The following GHR variants were observed in gnomAD, a reference collection of about 807,000 sequenced individuals.
The protein encoded by GHR is GH receptor.
Under a neutral mutation model 67.1 loss-of-function variants are expected in GHR, and 35 were observed. The observed-to-expected ratio is 0.52, with a 90% CI of 0.40 to 0.69. The LOEUF (loss-of-function observed/expected upper bound fraction) is 0.69. GHR is among the 30% of genes least tolerant of loss of function. The pLI, the probability that GHR is intolerant of heterozygous loss-of-function variation, is 0.00. For synonymous variants in GHR, 272 were observed against 269.1 expected (o/e 1.01, Z -0.10); for missense variants, 792 against 764.6 (o/e 1.04, Z -0.42).
chr5:42,710,795 A>G (rs1758416529), intron 6 of GHR, among the ~76,000 whole-genome samples: 1 of 152,166 alleles, frequency 6.6e-6, no homozygotes, highest in Non-Finnish European at 1.5e-5. Flanking sequence ...TATGGCTACA[A>G]TTTATTTTGG....
intron 1 of GHR, among the ~76,000 whole-genome samples, chr5:42,435,889 A>T (rs1192410567): frequency 6.6e-6 from 1 of 152,234 alleles, no homozygotes; most frequent in Non-Finnish European, 1.5e-5. Flanking sequence ...GTTGAATCCA[A>T]CATCATGCTG....
At chr5:42,465,301 C>A (rs2940926) in intron 1 of GHR, 109,723 of 665,570 alleles carry the variant, frequency 0.16, 10,168 homozygotes, top group Middle Eastern at 0.26. Flanking sequence ...TCTTGAAGAA[C>A]AGATTTTTTT....
At chr5:42,635,197 G>A (rs1299223695) in intron 3 of GHR, among the ~76,000 whole-genome samples, 1 of 152,122 alleles carries the variant, frequency 6.6e-6, no homozygotes, top group African/African-American at 2.4e-5. Flanking sequence ...GCTCTCTCTT[G>A]TACCCAACCT....
chr5:42,679,196 A>G (rs1228782135), intron 3 of GHR, among the ~76,000 whole-genome samples: 2 of 145,438 alleles, frequency 1.4e-5, no homozygotes, highest in Non-Finnish European at 3.0e-5. Flanking sequence ...ATTATATATT[A>G]ATAACATACT....
At chr5:42,574,942 C>A (rs982506946) in intron 2 of GHR, among the ~76,000 whole-genome samples, 2 of 152,062 alleles carry the variant, frequency 1.3e-5, no homozygotes, top group African/African-American at 4.8e-5. Flanking sequence ...CACCACTGAG[C>A]CCAAGGTAGC....
At chr5:42,614,017 G>A (rs1245422367) in intron 2 of GHR, among the ~76,000 whole-genome samples, 2 of 152,128 alleles carry the variant, frequency 1.3e-5, no homozygotes, top group African/African-American at 4.8e-5. Flanking sequence ...TAAGCGGTCT[G>A]TAAACTGTGT....
intron 3 of GHR, among the ~76,000 whole-genome samples, chr5:42,680,975 G>A (rs575376302): frequency 6.6e-6 from 1 of 152,202 alleles, no homozygotes; most frequent in Non-Finnish European, 1.5e-5. Context: ...ATGGATTAAA[G>A]ACTTAAATGT....
chr5:42,698,114 C>T (rs1757765738), intron 5 of GHR, among the ~76,000 whole-genome samples: 3 of 152,064 alleles, frequency 2.0e-5, no homozygotes, highest in Admixed American at 2.0e-4. Context: ...AGAGGAAGAG[C>T]AAGGGTTTGT....
At chr5:42,570,545 A>G (rs567384304) in intron 2 of GHR, among the ~76,000 whole-genome samples, 1 of 152,292 alleles carries the variant, frequency 6.6e-6, no homozygotes, top group South Asian at 2.1e-4. Context: ...TTTTGCATGC[A>G]TGCATTTATT....
chr5:42,480,625 C>T (rs1745583171), intron 1 of GHR, among the ~76,000 whole-genome samples: 1 of 152,082 alleles, frequency 6.6e-6, no homozygotes, highest in Admixed American at 6.6e-5. Flanking sequence ...TGAATTGATC[C>T]CTTTACCATT....
At chr5:42,497,815 T>C (rs960001631) in intron 1 of GHR, among the ~76,000 whole-genome samples, 7 of 152,146 alleles carry the variant, frequency 4.6e-5, no homozygotes, top group Middle Eastern at 3.2e-3. Context: ...ATGGAAAACA[T>C]TGGAAAAGAG....
intron 1 of GHR, among the ~76,000 whole-genome samples, chr5:42,483,940 G>A (rs1366228933): frequency 1.3e-5 from 2 of 152,120 alleles, no homozygotes; most frequent in African/African-American, 4.8e-5. Flanking sequence ...TTTTTATCTT[G>A]TGCTTAGAAC....
intron 1 of GHR, among the ~76,000 whole-genome samples, chr5:42,496,516 G>C (rs1746325906): frequency 6.6e-6 from 1 of 152,126 alleles, no homozygotes. Flanking sequence ...TGAAAATCCA[G>C]GCACTGTGTT....
chr5:42,527,868 C>T (rs1747777984), intron 1 of GHR, among the ~76,000 whole-genome samples: 1 of 152,070 alleles, frequency 6.6e-6, no homozygotes, highest in South Asian at 2.1e-4. Flanking sequence ...AATCAGAGGG[C>T]CCTTAAGAAT....
intron 2 of GHR, among the ~76,000 whole-genome samples, chr5:42,610,059 G>T (rs932395642): frequency 2.0e-5 from 3 of 152,156 alleles, no homozygotes; most frequent in African/African-American, 7.2e-5. Flanking sequence ...TGATATAGGA[G>T]TTACTCTTCT....
chr5:42,692,374 A>C (rs1284770029), intron 4 of GHR, among the ~76,000 whole-genome samples: 1 of 152,080 alleles, frequency 6.6e-6, no homozygotes, highest in African/African-American at 2.4e-5. Flanking sequence ...AACCTAAAGC[A>C]CTTAACTTTT....
chr5:42,548,631 A>G (rs189183756), intron 1 of GHR: 2 of 271,866 alleles, frequency 7.4e-6, no homozygotes, highest in Admixed American at 1.3e-4. Flanking sequence ...TCTTTAATAT[A>G]TGGCTGTGGC....
chr5:42,541,566 G>GA (rs938517709), intron 1 of GHR, among the ~76,000 whole-genome samples: 155 of 147,182 alleles, frequency 1.1e-3, no homozygotes, highest in East Asian at 2.6e-3. Context: ...CAGTGTCCTG[G>GA]AAAAAAAAAA....
At chr5:42,557,198 C>G (rs1749356277) in intron 1 of GHR, among the ~76,000 whole-genome samples, 2 of 152,146 alleles carry the variant, frequency 1.3e-5, no homozygotes, top group Non-Finnish European at 2.9e-5. Context: ...CACCCAAGCA[C>G]AAATAGGCTG....
Sources: allele counts gnomAD v4.1 joint callset (sites outside exome capture counted in the v4.1 genomes callset), GRCh38; gene constraint gnomAD v4.1.1; transcripts MANE v1.5; gene names NCBI Gene and HGNC (gene_info 2026-07-23, HGNC 2026-07-21).